The following DPYD variants were observed in gnomAD, a reference collection of about 807,000 sequenced individuals.
DPYD encodes the protein dihydropyrimidine dehydrogenase, also known as dihydropyrimidine dehydrogenase [NADP(+)].
Under a neutral mutation model 116.2 loss-of-function variants are expected in DPYD, and 109 were observed. The observed-to-expected ratio is 0.94, with a 90% CI of 0.80 to 1.10. DPYD has a LOEUF of 1.10. Among genes scored for constraint, DPYD ranks in the 50% least tolerant of loss-of-function variants. DPYD has a pLI of 0.00. For synonymous variants in DPYD, 440 were observed against 432.0 expected, an observed-to-expected ratio of 1.02 and a Z score of -0.23; for missense variants, 1,302 against 1,254.5, an observed-to-expected ratio of 1.04 and a Z score of -0.57.
At chr1:97,607,563 G>A (rs1366259103) in intron 8 of DPYD, among the ~76,000 whole-genome samples, 1 of 151,778 alleles carries the variant, frequency 6.6e-6, no homozygotes, top group East Asian at 1.9e-4. Flanking sequence ...ATTAATCCAG[G>A]GAGAGCGTAT....
chr1:97,418,134 T>G (rs1031026574), intron 14 of DPYD, among the ~76,000 whole-genome samples: 2 of 152,192 alleles, frequency 1.3e-5, no homozygotes, highest in African/African-American at 4.8e-5. Flanking sequence ...TGTAAACATG[T>G]TCCTGAGGTT....
chr1:97,469,397 C>CAAAAAAAAAAAAAAAGAAAA (rs1677504682), intron 13 of DPYD, among the ~76,000 whole-genome samples: 11 of 80,800 alleles, frequency 1.4e-4, no homozygotes, highest in Non-Finnish European at 1.7e-4. Context: ...GCTAAAATTG[C>CAAAAAAAAAAAAAAAGAAAA]AAAAAAAAAA....
intron 21 of DPYD, among the ~76,000 whole-genome samples, chr1:97,091,071 A>G (rs1649866842): frequency 6.6e-6 from 1 of 152,228 alleles, no homozygotes; most frequent in Non-Finnish European, 1.5e-5. Context: ...ATTCCCAACC[A>G]GGGAAGATGG....
intron 20 of DPYD, among the ~76,000 whole-genome samples, chr1:97,128,989 C>A (rs1653063767): frequency 6.6e-6 from 1 of 151,986 alleles, no homozygotes; most frequent in African/African-American, 2.4e-5. Context: ...CCGGAGCTTG[C>A]AACATTGTTC....
chr1:97,500,623 T>C (rs1403669669), intron 13 of DPYD, among the ~76,000 whole-genome samples: 1 of 152,064 alleles, frequency 6.6e-6, no homozygotes, highest in Non-Finnish European at 1.5e-5. Context: ...TAATGTGAGA[T>C]AGTGTATCAG....
chr1:97,855,554 C>A (rs537657831), intron 2 of DPYD: 1 of 152,134 alleles, frequency 6.6e-6, no homozygotes, highest in Non-Finnish European at 1.5e-5. Flanking sequence ...CAACTCTTTA[C>A]TTGGGCTTAT....
chr1:97,295,835 A>T, intron 18 of DPYD: 2 of 799,528 alleles, frequency 2.5e-6, no homozygotes, highest in Non-Finnish European at 3.0e-6. Flanking sequence ...TTGTGTGAAG[A>T]TTAAGTGAAA....
intron 8 of DPYD, among the ~76,000 whole-genome samples, chr1:97,664,677 C>T (rs1200009095): frequency 2.0e-5 from 3 of 151,948 alleles, no homozygotes; most frequent in African/African-American, 7.3e-5. Context: ...GGGAATTTTG[C>T]TTCTCATATA....
chr1:97,430,349 C>T (rs1345787140), intron 14 of DPYD, among the ~76,000 whole-genome samples: 1 of 152,104 alleles, frequency 6.6e-6, no homozygotes, highest in East Asian at 1.9e-4. Context: ...TCATTGGTTT[C>T]TCAGATTCCG....
At chr1:97,173,386 G>GCA (rs1656985753) in intron 20 of DPYD, among the ~76,000 whole-genome samples, 1 of 124,122 alleles carries the variant, frequency 8.1e-6, no homozygotes, top group Admixed American at 8.0e-5. Flanking sequence ...GTGTATATAC[G>GCA]TACATATATG....
chr1:97,094,266 G>GA (rs1650085800), intron 21 of DPYD, among the ~76,000 whole-genome samples: 3 of 151,994 alleles, frequency 2.0e-5, no homozygotes, highest in African/African-American at 7.2e-5. Flanking sequence ...TACAATGGGG[G>GA]AATTTTAAGC....
intron 1 of DPYD, among the ~76,000 whole-genome samples, chr1:97,919,862 C>G (rs1674415285): frequency 6.6e-6 from 1 of 152,146 alleles, no homozygotes; most frequent in Non-Finnish European, 1.5e-5. Flanking sequence ...ACTACTTCCT[C>G]CCAGAATATA....
At chr1:97,209,962 C>A (rs1369155636) in intron 19 of DPYD, among the ~76,000 whole-genome samples, 4 of 152,156 alleles carry the variant, frequency 2.6e-5, no homozygotes, top group Non-Finnish European at 5.9e-5. Flanking sequence ...TGGTTCATAT[C>A]TGCCAAACGA....
chr1:97,294,858 T>C (rs1666425893), intron 18 of DPYD, among the ~76,000 whole-genome samples: 1 of 152,176 alleles, frequency 6.6e-6, no homozygotes. Context: ...TTTTCCAAGA[T>C]AGAGACTGAG....
intron 18 of DPYD, among the ~76,000 whole-genome samples, chr1:97,266,580 G>A (rs1380514854): frequency 2.0e-5 from 3 of 151,952 alleles, no homozygotes; most frequent in Non-Finnish European, 2.9e-5. Flanking sequence ...TGCACAACGG[G>A]CAGGTTTGTT....
At chr1:97,795,561 C>A (rs746877590) in intron 3 of DPYD, among the ~76,000 whole-genome samples, 28 of 151,884 alleles carry the variant, frequency 1.8e-4, no homozygotes, top group Non-Finnish European at 4.0e-4. Context: ...AACAAACATT[C>A]CTACATAAAC....
chr1:97,344,808 T>A (rs912952991), intron 16 of DPYD, among the ~76,000 whole-genome samples: 1 of 151,876 alleles, frequency 6.6e-6, no homozygotes, highest in East Asian at 1.9e-4. Context: ...ATGAAACATG[T>A]TTATGCATGT....
chr1:97,304,210 C>A (rs1667029646), intron 18 of DPYD, among the ~76,000 whole-genome samples: 1 of 151,984 alleles, frequency 6.6e-6, no homozygotes, highest in Non-Finnish European at 1.5e-5. Flanking sequence ...TACAGCCCAA[C>A]TCTGGAGTCT....
chr1:97,745,494 C>A (rs1230073389), intron 3 of DPYD, among the ~76,000 whole-genome samples: 1 of 152,032 alleles, frequency 6.6e-6, no homozygotes, highest in Non-Finnish European at 1.5e-5. Context: ...TGATAATAAC[C>A]AGGAAGCTGG....
Sources: gnomAD v4.1 joint callset for allele counts (sites outside exome capture counted in the v4.1 genomes callset) on GRCh38, gnomAD v4.1.1 for gene constraint, MANE v1.5 for transcripts, NCBI Gene and HGNC (gene_info 2026-07-23, HGNC 2026-07-21) for gene names.